The following ADGRL2 variants were observed in gnomAD, a reference collection of about 807,000 sequenced individuals.
ADGRL2 encodes calcium-independent alpha-latrotoxin receptor 2.
Under a neutral mutation model 157.4 loss-of-function variants are expected in ADGRL2, and 44 were observed. The ratio of observed to expected loss-of-function variants is 0.28; its 90% CI spans 0.22 to 0.36. The LOEUF is 0.36. Among genes scored for constraint, ADGRL2 ranks in the 10% least tolerant of loss-of-function variants. The probability of loss-of-function intolerance (pLI) is 1.00; values close to 1 mark genes in which losing one functional copy is unlikely to be tolerated. For synonymous variants in ADGRL2, 585 were observed against 624.7 expected (o/e 0.94, Z 0.95); for missense variants, 1,510 against 1,768.9 (o/e 0.85, Z 2.63).
At chr1:81,671,814 T>G (rs1017573279) in intron 3 of ADGRL2, among the ~76,000 whole-genome samples, 1 of 152,126 alleles carries the variant, frequency 6.6e-6, no homozygotes, top group Non-Finnish European at 1.5e-5. Flanking sequence ...CGCCCAGCCC[T>G]GAGATTCTGA....
At chr1:81,501,231 A>G (rs541651651) in intron 2 of ADGRL2, among the ~76,000 whole-genome samples, 1 of 152,358 alleles carries the variant, frequency 6.6e-6, no homozygotes, top group South Asian at 2.1e-4. Flanking sequence ...GTTCACCTTT[A>G]TACACAACAT....
intron 2 of ADGRL2, among the ~76,000 whole-genome samples, chr1:81,767,004 T>C (rs1314292557): frequency 6.6e-6 from 1 of 152,122 alleles, no homozygotes; most frequent in Non-Finnish European, 1.5e-5. Flanking sequence ...TTATCCTGAA[T>C]TTTCTCTATC....
chr1:81,973,940 A>AATATAT (rs5775658), intron 17 of ADGRL2, among the ~76,000 whole-genome samples: 3 of 151,572 alleles, frequency 2.0e-5, no homozygotes, highest in South Asian at 2.1e-4. Context: ...GTGGGGAAAA[A>AATATAT]ATATATATAT....
intron 11 of ADGRL2, among the ~76,000 whole-genome samples, chr1:81,961,509 CTTT>C (rs5775655): frequency 1.5e-5 from 2 of 137,318 alleles, no homozygotes; most frequent in Admixed American, 7.4e-5. Flanking sequence ...AATTTTCTTT[CTTT>C]TTTTTTTTTT....
rs577711582 is a variant in ADGRL2 at position 81,532,442 on chromosome 1, T to C, written c.-247-48434T>C. On this transcript the variant is annotated intron_variant, in intron 2 of 24. Coordinates refer to the ADGRL2 transcript ENST00000370721. ...TAACTTCTATTCTCTCAGTATCTGC[T>C]GAGTATGAATATAAACGTAAGCACT... Among the ~76,000 whole-genome samples the C allele has an allele frequency of 3.3e-5, 5 of 152,294 alleles. No individual in the cohort carries two copies. The East Asian group carries it at 9.6e-4, about 29-fold the overall frequency.
Position 81,867,531 on chromosome 1 carries a change from A to T in ADGRL2, c.73+30474A>T, listed in dbSNP as rs1326172084. Among the ~76,000 whole-genome samples the T allele has an allele frequency of 2.0e-5, 3 of 152,192 alleles. No homozygotes were observed. The East Asian group carries it at 5.8e-4, about 29-fold the overall frequency. On this transcript the variant is annotated intron_variant, in intron 2 of 23. Transcript: ENST00000686636. ...ATTGAAGCTGATGAATGAGTTTTAT[A>T]TTTCTGTACTTGAAAATATTTAGTT...
intron 2 of ADGRL2, among the ~76,000 whole-genome samples, chr1:81,764,854 A>G (rs10782766): frequency 0.31 from 47,762 of 151,904 alleles, 8,699 homozygotes; most frequent in East Asian, 0.77. Context: ...GAATATACAT[A>G]GCATAAAATA....
At chr1:81,989,977 G>C in intron 23 of ADGRL2, 1 of 984,296 alleles carries the variant, frequency 1.0e-6, no homozygotes, top group Non-Finnish European at 1.2e-6. Flanking sequence ...TGTTGTTTAG[G>C]ACAAATTCTG....
chr1:81,814,143 T>C (rs2090151663), intron 1 of ADGRL2, among the ~76,000 whole-genome samples: 1 of 151,802 alleles, frequency 6.6e-6, no homozygotes, highest in South Asian at 2.1e-4. Context: ...CGGTTTAAAG[T>C]AACCATGATC....
chr1:81,984,434 C>A (rs1388305110), intron 19 of ADGRL2, 149 bp from the exon 20 acceptor site: 8 of 745,324 alleles, frequency 1.1e-5, no homozygotes, highest in African/African-American at 1.8e-5. Flanking sequence ...TTTAATTGAA[C>A]TTGATTTTGC....
chr1:81,887,471 A>G (rs1329032574), intron 2 of ADGRL2, among the ~76,000 whole-genome samples: 1 of 152,238 alleles, frequency 6.6e-6, no homozygotes, highest in Non-Finnish European at 1.5e-5. Flanking sequence ...AGCACAGTTT[A>G]TATAATGAGT....
intron 3 of ADGRL2, among the ~76,000 whole-genome samples, chr1:81,639,953 A>G (rs1359815785): frequency 6.6e-5 from 10 of 152,192 alleles, no homozygotes; most frequent in African/African-American, 2.2e-4. Flanking sequence ...AGTATTATAG[A>G]GCAGATGACA....
intron 1 of ADGRL2, among the ~76,000 whole-genome samples, chr1:81,429,904 T>C (rs987491175): frequency 2.0e-5 from 3 of 152,162 alleles, no homozygotes. Flanking sequence ...TTGTTGTTGT[T>C]GTTTTTGAGA....
At chr1:81,864,496 G>C (rs1321979873) in intron 2 of ADGRL2, among the ~76,000 whole-genome samples, 2 of 152,016 alleles carry the variant, frequency 1.3e-5, no homozygotes, top group Admixed American at 6.6e-5. Flanking sequence ...ACATATTAAG[G>C]ATAAATTTTT....
chr1:81,459,328 T>C lies in ADGRL2; in HGVS notation c.-248+14239T>C, dbSNP rs368909457. On this transcript the variant is annotated intron_variant, in intron 2 of 24. Coordinates refer to the ADGRL2 transcript ENST00000370721. The stretch of plus-strand genomic sequence containing the variant: ...TCCTGTTGCTATTACAACTCTCCAA[T>C]TCCTCCTTCCTCCAAACCCTGCCAA... 2.6e-3 allele frequency among the ~76,000 whole-genome samples: 402 copies of C among 152,206 alleles called. 4 individuals are homozygous for C. Among genetic ancestry groups the C allele is most frequent in the African/African-American group, 9.4e-3 (391 of 41,548 alleles).
At chr1:81,971,497 A>C (rs927098909) in intron 16 of ADGRL2, among the ~76,000 whole-genome samples, 2 of 152,156 alleles carry the variant, frequency 1.3e-5, no homozygotes, top group African/African-American at 2.4e-5. Flanking sequence ...TGAAAATTAT[A>C]TGTAGGACTT....
chr1:81,591,744 A>G (rs1442707396), intron 3 of ADGRL2, among the ~76,000 whole-genome samples: 1 of 152,136 alleles, frequency 6.6e-6, no homozygotes, highest in Non-Finnish European at 1.5e-5. Flanking sequence ...GCTGGCTTTG[A>G]TCAATTAATC....
chr1:81,955,937 A>G lies in ADGRL2; in HGVS notation c.1894A>G (p.Met632Val). Residue 632 changes from methionine (M) to valine (V), a missense_variant, in exon 11 of 24, where the codon ATG (methionine) becomes GTG (valine). By Grantham distance (21) the Met-to-Val change is conservative. Around this residue, in one of 4 missense-constraint regions of ADGRL2, gnomAD observed 325 missense variants for 333.2 expected, o/e 0.98. Transcript: ENST00000686636. ...RPEALESWKH[M>V]NSSEQAHTAT... ...CGAAGCTTTGGAATCATGGAAACATATGAATTCTTCTGAACAAGCACATAC... is the reference window on the plus strand; with the variant it reads ...CGAAGCTTTGGAATCATGGAAACATGTGAATTCTTCTGAACAAGCACATAC... The G allele has an allele frequency of 6.2e-7, 1 of 1,608,184 alleles. No individual in the cohort carries two copies. The highest frequency in any genetic ancestry group is 8.5e-7 in the Non-Finnish European group (1 of 1,177,422).
At chr1:81,738,029 G>A (rs1265479220) in intron 1 of ADGRL2, among the ~76,000 whole-genome samples, 1 of 152,114 alleles carries the variant, frequency 6.6e-6, no homozygotes. Flanking sequence ...AGTGTGGTAG[G>A]ACAGACCACA....
Sources: allele counts gnomAD v4.1 joint callset (sites outside exome capture counted in the v4.1 genomes callset), GRCh38; gene constraint gnomAD v4.1.1; regional missense constraint gnomAD v4.1.1; transcripts MANE v1.5; gene names NCBI Gene and HGNC (gene_info 2026-07-23, HGNC 2026-07-21).